CNOT4: variants seen among roughly 807,000 people sequenced by gnomAD.
CNOT4 encodes CCR4-NOT transcription complex subunit 4, also known as CCR4-associated factor 4.
Under a neutral mutation model 73.8 loss-of-function variants are expected in CNOT4, and 8 were observed. That is an observed-to-expected ratio of 0.11 (90% CI 0.06 to 0.20). The LOEUF (loss-of-function observed/expected upper bound fraction) is 0.20, where lower values mean the gene tolerates loss of function less well. CNOT4 is among the 10% of genes least tolerant of loss of function. CNOT4 has a pLI of 1.00. For missense variants in CNOT4, 564 were observed against 883.4 expected, an observed-to-expected ratio of 0.64 and a Z score of 4.58; for synonymous variants, 293 against 321.1, an observed-to-expected ratio of 0.91 and a Z score of 0.94.
At chr7:135,494,199 G>A (rs1803301996) in intron 1 of CNOT4, among the ~76,000 whole-genome samples, 1 of 152,014 alleles carries the variant, frequency 6.6e-6, no homozygotes, top group Non-Finnish European at 1.5e-5. Flanking sequence ...GTGGGGCGCA[G>A]TGGCTCACAC....
At chr7:135,460,482 C>G (rs571724545) in intron 1 of CNOT4, among the ~76,000 whole-genome samples, 354 of 152,234 alleles carry the variant, frequency 2.3e-3, no homozygotes, top group Non-Finnish European at 4.3e-3. Flanking sequence ...CAGAGGGAGA[C>G]AGACAGAGCA....
intron 10 of CNOT4, among the ~76,000 whole-genome samples, chr7:135,389,561 C>T (rs1388411161): frequency 6.6e-6 from 1 of 152,022 alleles, no homozygotes; most frequent in African/African-American, 2.4e-5. Flanking sequence ...TATTTGACTA[C>T]AAGTGACTTG....
intron 1 of CNOT4, chr7:135,444,916 T>C: frequency 6.2e-7 from 1 of 1,600,362 alleles, no homozygotes. Flanking sequence ...GCTGTTGCCA[T>C]GCTGTGGAAG....
chr7:135,415,192 G>T lies in CNOT4; in HGVS notation c.443C>A (p.Ser148Ter). The T allele has an allele frequency of 1.2e-6, 2 of 1,600,656 alleles. No individual in the cohort carries two copies. Among genetic ancestry groups the T allele is most frequent in the South Asian group, 1.1e-5 (1 of 90,714 alleles). The stretch of plus-strand genomic sequence containing the variant: ...ATTAGTTACCTGTGAGCCTGCATAT[G>T]ATGTGCTATTATTGATGACAACTTT... The part of the protein sequence containing the change: ...IHKVVINNST[S>*]YAGSQGPSAS... The change falls in exon 4 of 12, where the codon TCA (serine) becomes TAA (stop). Residue 148 changes from serine to a stop codon, truncating the protein, a stop_gained. Coordinates refer to ENST00000541284, the MANE Select transcript of CNOT4 (RefSeq NM_001190850.2). LOFTEE classifies it high-confidence loss of function.
At chr7:135,431,203 T>C (rs1798815568) in intron 2 of CNOT4, among the ~76,000 whole-genome samples, 1 of 152,222 alleles carries the variant, frequency 6.6e-6, no homozygotes, top group South Asian at 2.1e-4. Context: ...AGTTCTAGAC[T>C]GCAGTGAGCC....
intron 1 of CNOT4, among the ~76,000 whole-genome samples, chr7:135,501,733 T>C (rs1803980013): frequency 6.6e-6 from 1 of 152,234 alleles, no homozygotes; most frequent in Admixed American, 6.5e-5. Flanking sequence ...ACCCTACTAA[T>C]ACAAATTTAT....
intron 10 of CNOT4, chr7:135,388,398 A>AT: frequency 1.0e-6 from 1 of 983,574 alleles, no homozygotes; most frequent in Non-Finnish European, 1.2e-6. Flanking sequence ...TAATTTGCAA[A>AT]TTTTTCAGGA....
At chr7:135,418,511 G>GA (rs770031682) in intron 3 of CNOT4, among the ~76,000 whole-genome samples, 2 of 152,038 alleles carry the variant, frequency 1.3e-5, no homozygotes, top group Admixed American at 6.5e-5. Context: ...ATACTACAGA[G>GA]AAAAAACAAA....
rs371477012 is a variant in CNOT4, at chr7:135,505,815, G to A, written c.-93+4074C>T. On this transcript the variant is annotated intron_variant, in intron 1 of 11. Coordinates refer to ENST00000541284, the MANE Select transcript of CNOT4 (RefSeq NM_001190850.2). ...CTTTGTAATTAAATAATAAAGAATCGTATCATAAAAAAGAAATGTGTCACA... is the reference window on the plus strand; with the variant it reads ...CTTTGTAATTAAATAATAAAGAATCATATCATAAAAAAGAAATGTGTCACA... 4.6e-5 allele frequency among the ~76,000 whole-genome samples: 7 copies of A among 152,016 alleles called. No individual in the cohort carries two copies. The South Asian group carries it at 8.3e-4, about 18-fold the overall frequency.
rs969154559 is a variant in CNOT4, at chr7:135,456,950, G to T, written c.-92-18527C>A. Among the ~76,000 whole-genome samples, 20 of 151,956 alleles carry T rather than the reference G, an allele frequency of 1.3e-4. 1 individual carries two copies. The highest frequency in any genetic ancestry group is 2.1e-4 in the South Asian group (1 of 4,806). On this transcript the variant is annotated intron_variant, in intron 1 of 11. Coordinates refer to ENST00000541284, the MANE Select transcript of CNOT4 (RefSeq NM_001190850.2). The stretch of plus-strand genomic sequence containing the variant: ...ACTAGTCTTTATTTGCAGATGATAA[G>T]ATTTTGTACATAGAAACCCCAAAAT...
chr7:135,453,061 G>T (rs1800278251), intron 1 of CNOT4, among the ~76,000 whole-genome samples: 1 of 152,118 alleles, frequency 6.6e-6, no homozygotes, highest in African/African-American at 2.4e-5. Flanking sequence ...CACCTTTGAA[G>T]TTTGTAAGGA....
chr7:135,508,806 A>G (rs1804540762), intron 1 of CNOT4, among the ~76,000 whole-genome samples: 1 of 152,212 alleles, frequency 6.6e-6, no homozygotes, highest in African/African-American at 2.4e-5. Flanking sequence ...TATGTGCGCC[A>G]GATTTATCTT....
intron 1 of CNOT4, among the ~76,000 whole-genome samples, chr7:135,453,788 AT>A (rs978167060): frequency 2.1e-5 from 3 of 140,934 alleles, no homozygotes; most frequent in Non-Finnish European, 3.0e-5. Flanking sequence ...ATACAAAAAT[AT>A]TTTTATATAT....
chr7:135,414,336 G>T lies in CNOT4; in HGVS notation c.556C>A (p.Leu186Ile). 2 of 1,191,882 alleles carry T rather than the reference G, an allele frequency of 1.7e-6. No individual in the cohort carries two copies. The highest frequency in any genetic ancestry group is 2.5e-6 in the Non-Finnish European group (2 of 805,226). The allele number at this position is 1,191,882 out of a possible 1,614,324, so 73.8% of individuals were successfully genotyped here. The change falls in exon 5 of 12, where the codon CTT becomes ATT. Residue 186 changes from leucine to isoleucine, a missense_variant. Coordinates refer to ENST00000541284, the MANE Select transcript of CNOT4 (RefSeq NM_001190850.2). ...VNNVVVDGRT[L>I]KASLGTTKYC... ...AATCAAGAGGACTATATTACCTTAAGTGTTCTGCCATCTACTACCACATTG... is the reference window on the plus strand; with the variant it reads ...AATCAAGAGGACTATATTACCTTAATTGTTCTGCCATCTACTACCACATTG...
intron 1 of CNOT4, among the ~76,000 whole-genome samples, chr7:135,453,826 T>TATA (rs1800335679): frequency 1.1e-5 from 1 of 89,902 alleles, no homozygotes; most frequent in African/African-American, 3.9e-5. Flanking sequence ...TATATATATT[T>TATA]TATATATATA....
At chr7:135,400,201 G>C (rs1005386733) in intron 7 of CNOT4, among the ~76,000 whole-genome samples, 1 of 151,954 alleles carries the variant, frequency 6.6e-6, no homozygotes. Context: ...GCAGAGCTAA[G>C]TATTTAGTTT....
chr7:135,444,339 C>A (rs1044431887), intron 1 of CNOT4: 1 of 637,704 alleles, frequency 1.6e-6, no homozygotes, highest in Non-Finnish European at 2.9e-6. Flanking sequence ...GTATTTTTGA[C>A]AATAGCCAAA....
In CNOT4 at chr7:135,483,719, G is replaced by C. The variant is rs75393886; in HGVS notation, c.-93+26170C>G. The stretch of plus-strand genomic sequence containing the variant: ...CATGCCTGTAGTCCCAACCACTCGG[G>C]GGGCTGAGGTAGGAGGATCACTTAA... On this transcript the variant is annotated intron_variant, in intron 1 of 11. Coordinates refer to ENST00000541284, the MANE Select transcript of CNOT4 (RefSeq NM_001190850.2). Among the ~76,000 whole-genome samples the C allele has an allele frequency of 2.2e-3, 341 of 152,096 alleles. 13 individuals carry two copies. In the East Asian group the frequency reaches 0.054, roughly 24 times the overall value.
chr7:135,445,302 A>G (rs1310518804), intron 1 of CNOT4, among the ~76,000 whole-genome samples: 8 of 152,200 alleles, frequency 5.3e-5, no homozygotes, highest in Non-Finnish European at 1.2e-4. Flanking sequence ...TTGCCCTGGG[A>G]ATAATGGACA....
Sources: gnomAD v4.1 joint callset for allele counts (sites outside exome capture counted in the v4.1 genomes callset) on GRCh38, gnomAD v4.1.1 for gene constraint, MANE v1.5 for transcripts, NCBI Gene and HGNC (gene_info 2026-07-23, HGNC 2026-07-21) for gene names.